Variants in SF3B1 observed in about 807,000 individuals in gnomAD.
SF3B1 encodes pre-mRNA processing 10.
In SF3B1, 12 loss-of-function variants were observed where a neutral mutation model predicts 153.8. The ratio of observed to expected loss-of-function variants is 0.08; its 90% CI spans 0.05 to 0.13. The LOEUF (loss-of-function observed/expected upper bound fraction) is 0.13. SF3B1 is among the 10% of genes least tolerant of loss of function. SF3B1 has a pLI of 1.00. For missense variants in SF3B1, 513 were observed against 1,606.1 expected, an observed-to-expected ratio of 0.32 and a Z score of 11.63; for synonymous variants, 498 against 525.2, an observed-to-expected ratio of 0.95 and a Z score of 0.71.
At chr2:197,420,599 A>T (rs1477014247) in intron 3 of SF3B1, 57 bp from the exon 4 acceptor site, 2 of 1,155,582 alleles carry the variant, frequency 1.7e-6, no homozygotes, top group Non-Finnish European at 2.5e-6. Flanking sequence ...AAAACAGAAT[A>T]TCATAAACAA....
chr2:197,434,248 A>C (rs1264536165), intron 1 of SF3B1, among the ~76,000 whole-genome samples: 2 of 152,090 alleles, frequency 1.3e-5, no homozygotes, highest in Admixed American at 6.5e-5. Context: ...TTCCTAATGA[A>C]CTCCAGTCTA....
intron 4 of SF3B1, 113 bp downstream of exon 4, chr2:197,420,315 G>A (rs1380233868): frequency 9.5e-6 from 7 of 738,550 alleles, no homozygotes; most frequent in African/African-American, 1.8e-5. Context: ...TAGTAAGGGG[G>A]ATTTTTAAAA....
At chr2:197,428,983 C>G (rs535280441) in intron 1 of SF3B1, among the ~76,000 whole-genome samples, 1 of 151,744 alleles carries the variant, frequency 6.6e-6, no homozygotes, top group African/African-American at 2.4e-5. Flanking sequence ...AAAAAAAAGG[C>G]GGGGGTTGGC....
chr2:197,430,249 A>G (rs1227763203), intron 1 of SF3B1, among the ~76,000 whole-genome samples: 1 of 152,194 alleles, frequency 6.6e-6, no homozygotes, highest in Admixed American at 6.5e-5. Context: ...TTTAGGTGTA[A>G]TCATGGTATT....
chr2:197,411,270 A>G (rs1412312599), intron 6 of SF3B1, among the ~76,000 whole-genome samples: 1 of 152,248 alleles, frequency 6.6e-6, no homozygotes, highest in East Asian at 1.9e-4. Context: ...AGATAGTATC[A>G]TATCAAAGTA....
chr2:197,393,364 T>G (rs1200842004), intron 23 of SF3B1, 176 bp from the exon 24 acceptor site: 1 of 608,588 alleles, frequency 1.6e-6, no homozygotes, highest in Non-Finnish European at 3.0e-6. Context: ...ATATCTAATA[T>G]ATCCTTTAGA....
At chr2:197,428,915 G>A (rs1016824928) in intron 1 of SF3B1, among the ~76,000 whole-genome samples, 3 of 151,834 alleles carry the variant, frequency 2.0e-5, no homozygotes, top group Admixed American at 1.3e-4. Context: ...AGGTTGCAGT[G>A]AGCCAAGATC....
chr2:197,431,080 AT>A (rs1574561774), intron 1 of SF3B1, among the ~76,000 whole-genome samples: 4 of 124,904 alleles, frequency 3.2e-5, no homozygotes, highest in Admixed American at 8.2e-5. Context: ...TGTCCCTCTG[AT>A]TTCCCCTCCT....
At chr2:197,397,939 T>A (rs1559264255) in intron 22 of SF3B1, 46 bp downstream of exon 22, 6 of 1,458,310 alleles carry the variant, frequency 4.1e-6, no homozygotes, top group Non-Finnish European at 4.7e-6. Flanking sequence ...CCACAATGCA[T>A]TTATTATAAA....
chr2:197,406,437 C>T (rs893005183), intron 9 of SF3B1, among the ~76,000 whole-genome samples: 3 of 152,082 alleles, frequency 2.0e-5, no homozygotes, highest in African/African-American at 7.2e-5. Flanking sequence ...CCAGCACAGA[C>T]CACTAAGCAT....
At chr2:197,409,449 C>T (rs980063231) in intron 7 of SF3B1, among the ~76,000 whole-genome samples, 3 of 151,938 alleles carry the variant, frequency 2.0e-5, no homozygotes, top group Admixed American at 1.3e-4. Context: ...ATAGTCTCAG[C>T]TACTAAGAAG....
chr2:197,410,501 ATT>A (rs573287348), intron 6 of SF3B1, among the ~76,000 whole-genome samples: 2 of 107,930 alleles, frequency 1.9e-5, no homozygotes, highest in Admixed American at 2.2e-4. Flanking sequence ...CACCTATGTA[ATT>A]TTTTTTTTTT....
intron 23 of SF3B1, among the ~76,000 whole-genome samples, chr2:197,395,756 T>TG (rs557605606): frequency 5.7e-4 from 87 of 152,328 alleles, no homozygotes; most frequent in African/African-American, 2.1e-3. Flanking sequence ...TCTAACTATA[T>TG]TTGACCAATT....
intron 7 of SF3B1, 55 bp from the exon 8 acceptor site, chr2:197,408,636 T>C: frequency 1.8e-6 from 2 of 1,129,032 alleles, no homozygotes; most frequent in Non-Finnish European, 2.7e-6. Context: ...TAAAATAATA[T>C]TCTTTATTCT....
intron 1 of SF3B1, among the ~76,000 whole-genome samples, chr2:197,427,733 A>G (rs1171684448): frequency 6.6e-6 from 1 of 152,182 alleles, no homozygotes; most frequent in Non-Finnish European, 1.5e-5. Context: ...CATAAAAGGT[A>G]ATCTGGGCCG....
At chr2:197,434,815 T>C (rs1450877177) in intron 1 of SF3B1, among the ~76,000 whole-genome samples, 157 bp downstream of exon 1, 2 of 152,216 alleles carry the variant, frequency 1.3e-5, no homozygotes, top group African/African-American at 2.4e-5. Flanking sequence ...CGCGGGGCAG[T>C]GGCCTGCGCC....
At chr2:197,392,864 C>T (rs1168651749) in intron 24 of SF3B1, 108 bp downstream of exon 24, 2 of 670,876 alleles carry the variant, frequency 3.0e-6, no homozygotes, top group Admixed American at 2.7e-5. Flanking sequence ...CACCATGGCA[C>T]ATATATACCT....
At position 197,403,041 on chromosome 2, in the gene SF3B1, A is replaced by G. The variant is rs901304240; in HGVS notation, c.1720-6T>C. 1.3e-6 allele frequency: 2 copies of G among 1,513,300 alleles called. No homozygotes were observed. Among genetic ancestry groups the G allele is most frequent in the African/African-American group, 4.4e-5 (2 of 45,106 alleles). 93.7% of individuals were successfully genotyped at this position (1,513,300 alleles called of 1,614,324 possible). The stretch of plus-strand genomic sequence containing the variant: ...GGTTCAATGACCACGAGGATCTGAA[A>G]AAGAGAAAAGAGAAGAAGCTACACT... On this transcript the variant is annotated splice_polypyrimidine_tract_variant and splice_region_variant and intron_variant, in intron 12 of 24. Transcript: ENST00000335508.
intron 4 of SF3B1, chr2:197,419,522 C>A: frequency 4.6e-6 from 1 of 219,570 alleles, no homozygotes; most frequent in Non-Finnish European, 9.1e-6. Context: ...TTGGTAGTGT[C>A]ATTCTTTCTG....
Sources: allele counts gnomAD v4.1 joint callset (sites outside exome capture counted in the v4.1 genomes callset), GRCh38; gene constraint gnomAD v4.1.1; transcripts MANE v1.5; gene names NCBI Gene and HGNC (gene_info 2026-07-23, HGNC 2026-07-21).